Variants in MRNIP observed in about 807,000 individuals in gnomAD.
The protein encoded by MRNIP is MRN complex-interacting protein.
In MRNIP, 30 loss-of-function variants were observed where a neutral mutation model predicts 29.8. The ratio of observed to expected loss-of-function variants is 1.01; its 90% CI spans 0.75 to 1.36. The LOEUF is 1.36. MRNIP is among the 40% of genes most tolerant of loss of function. MRNIP has a pLI of 0.00. For missense variants in MRNIP, 459 were observed against 423.5 expected, an observed-to-expected ratio of 1.08 and a Z score of -0.74; for synonymous variants, 201 against 164.1, an observed-to-expected ratio of 1.23 and a Z score of -1.72.
intron 3 of MRNIP, among the ~76,000 whole-genome samples, chr5:179,846,331 T>A (rs1759128407): frequency 1.3e-5 from 2 of 151,846 alleles, no homozygotes; most frequent in African/African-American, 4.8e-5. Flanking sequence ...ATTGGCAGGC[T>A]GGAGTGCAGT....
chr5:179,855,154 A>T (rs1392505646), intron 1 of MRNIP, among the ~76,000 whole-genome samples: 1 of 150,404 alleles, frequency 6.6e-6, no homozygotes, highest in Non-Finnish European at 1.5e-5. Flanking sequence ...TTTAATTTTA[A>T]TTTTTTTGAG....
At chr5:179,849,655 A>G in intron 2 of MRNIP, among the ~76,000 whole-genome samples, 1 of 149,764 alleles carries the variant, frequency 6.7e-6, no homozygotes, top group Middle Eastern at 3.6e-3. Context: ...TAAGAGATGG[A>G]ATTTGTGACC....
At position 179,858,802 on chromosome 5, in the gene MRNIP, C is replaced by T. The variant is rs923617111; in HGVS notation, c.-6G>A. The T allele has an allele frequency of 8.4e-6, 13 of 1,539,614 alleles. No individual in the cohort carries two copies. The East Asian group carries it at 2.2e-4, about 26-fold the overall frequency. ...GAACGCTGAAGCGACGCCATCCCTG[C>T]TTGTGCAGTCGCCAGGCAGCCAAGC... On this transcript the variant is annotated 5_prime_UTR_variant, in exon 1 of 7. Coordinates refer to ENST00000292586, the MANE Select transcript of MRNIP (RefSeq NM_016175.4).
At chr5:179,857,072 G>C (rs932708021) in intron 1 of MRNIP, among the ~76,000 whole-genome samples, 7 of 152,148 alleles carry the variant, frequency 4.6e-5, no homozygotes, top group Non-Finnish European at 7.3e-5. Flanking sequence ...GGGCGACAAA[G>C]CGAGACCTTG....
At position 179,847,885 on chromosome 5, in the gene MRNIP, A is replaced by C. The variant is rs1173417365; in HGVS notation, c.215+93T>G. The C allele has an allele frequency of 2.9e-5, 25 of 867,946 alleles. No individual in the cohort carries two copies. The East Asian group carries it at 4.9e-4, about 17-fold the overall frequency. The allele number at this position is 867,946 out of a possible 1,614,324, so 53.8% of individuals were successfully genotyped here. Reference sequence around the variant, plus strand: ...CCTGGGGCAGGTCCAGCCACAGCAGAGTGCCCAGCTCAGGATTTCCACTGT... The same window carrying C: ...CCTGGGGCAGGTCCAGCCACAGCAGCGTGCCCAGCTCAGGATTTCCACTGT... On this transcript the variant is annotated intron_variant, in intron 3 of 6. Coordinates refer to ENST00000292586, the MANE Select transcript of MRNIP (RefSeq NM_016175.4).
At chr5:179,847,887 T>A (rs996555174) in intron 3 of MRNIP, 91 bp downstream of exon 3, 10 of 878,214 alleles carry the variant, frequency 1.1e-5, no homozygotes, top group Non-Finnish European at 1.8e-5. Context: ...CACAGCAGAG[T>A]GCCCAGCTCA....
chr5:179,843,029 C>T (rs957824075), intron 4 of MRNIP, among the ~76,000 whole-genome samples: 12 of 70,250 alleles, frequency 1.7e-4, no homozygotes, highest in African/African-American at 5.8e-4. Flanking sequence ...GAGACTCTGT[C>T]GAAAGGAGGA....
At chr5:179,842,978 A>G (rs1456227760) in intron 4 of MRNIP, among the ~76,000 whole-genome samples, 2 of 147,360 alleles carry the variant, frequency 1.4e-5, no homozygotes, top group South Asian at 2.2e-4. Flanking sequence ...AGTTGCAGTG[A>G]GCTGAGATCA....
chr5:179,858,784 GA>G lies in MRNIP; in HGVS notation c.12del (p.Gln5SerfsTer19). MAS[L>X]QRSRVLRCCS... ...CAGCAGCGTAGCACCCGAGAACGCTGAAGCGACGCCATCCCTGCTTGTGCAG... is the reference window on the plus strand; with the variant it reads ...CAGCAGCGTAGCACCCGAGAACGCTGAGCGACGCCATCCCTGCTTGTGCAG... On this transcript the variant is annotated frameshift_variant, in exon 1 of 7. Coordinates refer to ENST00000292586, the MANE Select transcript of MRNIP (RefSeq NM_016175.4). LOFTEE classifies it high-confidence loss of function. 1 of 1,541,174 alleles carries G rather than the reference GA, an allele frequency of 6.5e-7. No individual in the cohort carries two copies. Among genetic ancestry groups the G allele is most frequent in the South Asian group, 1.2e-5 (1 of 83,012 alleles).
chr5:179,841,194 G>A (rs1758868834), intron 5 of MRNIP: 4 of 536,244 alleles, frequency 7.5e-6, no homozygotes, highest in African/African-American at 1.9e-5. Flanking sequence ...CACCCAGGCT[G>A]GAGTGCAATG....
At chr5:179,841,221 A>C in intron 5 of MRNIP, 1 of 475,658 alleles carries the variant, frequency 2.1e-6, no homozygotes, top group South Asian at 2.6e-5. Context: ...TGCCGCCTTG[A>C]CCTCCTGGGC....
intron 2 of MRNIP, among the ~76,000 whole-genome samples, chr5:179,848,426 T>G (rs1365012021): frequency 6.6e-6 from 1 of 152,202 alleles, no homozygotes; most frequent in Non-Finnish European, 1.5e-5. Flanking sequence ...AAAAAATATA[T>G]GAAATGATAC....
At chr5:179,853,190 G>A (rs1359325020) in intron 2 of MRNIP, 188 bp downstream of exon 2, 2 of 1,517,412 alleles carry the variant, frequency 1.3e-6, no homozygotes, top group Non-Finnish European at 1.8e-6. Context: ...GAATCAAATG[G>A]CAGTACCTTT....
At chr5:179,842,784 G>C (rs1016290977) in intron 4 of MRNIP, among the ~76,000 whole-genome samples, 2 of 148,434 alleles carry the variant, frequency 1.3e-5, no homozygotes, top group Non-Finnish European at 3.0e-5. Flanking sequence ...TGTAACCCTA[G>C]CACCGTGGGA....
At chr5:179,855,507 TGGTTA>T (rs1759539867) in intron 1 of MRNIP, among the ~76,000 whole-genome samples, 1 of 152,170 alleles carries the variant, frequency 6.6e-6, no homozygotes, top group Admixed American at 6.5e-5. Context: ...TCTAATACAG[TGGTTA>T]GGTACAAAAT....
At chr5:179,853,783 C>CAAACAA (rs1759472311) in intron 1 of MRNIP, among the ~76,000 whole-genome samples, 1 of 151,844 alleles carries the variant, frequency 6.6e-6, no homozygotes, top group Admixed American at 6.6e-5. Flanking sequence ...AAAAAACAAA[C>CAAACAA]AAACAAACAA....
At chr5:179,858,182 T>C (rs1386425800) in intron 1 of MRNIP, among the ~76,000 whole-genome samples, 5 of 135,366 alleles carry the variant, frequency 3.7e-5, no homozygotes, top group African/African-American at 1.2e-4. Context: ...TGGCATTCTC[T>C]ATCTGGCACG....
chr5:179,847,942 G>A (rs1320226037), intron 3 of MRNIP, 36 bp downstream of exon 3: 1 of 1,421,322 alleles, frequency 7.0e-7, no homozygotes, highest in Non-Finnish European at 9.9e-7. Flanking sequence ...GACGAAAACA[G>A]GGCAAGACAA....
chr5:179,842,718 AAAAAAAAAAAAAG>A (rs1758942792), intron 4 of MRNIP, among the ~76,000 whole-genome samples: 1 of 143,410 alleles, frequency 7.0e-6, no homozygotes, highest in African/African-American at 2.6e-5. Context: ...AAAAAAAAAA[AAAAAAAAAAAAAG>A]AACAGAGGGG....
Sources: allele counts gnomAD v4.1 joint callset (sites outside exome capture counted in the v4.1 genomes callset), GRCh38; gene constraint gnomAD v4.1.1; transcripts MANE v1.5; gene names NCBI Gene and HGNC (gene_info 2026-07-23, HGNC 2026-07-21).